RGS7: variants seen among roughly 807,000 people sequenced by gnomAD.
RGS7 encodes regulator of G-protein signaling 7.
RGS7 carries 27 observed loss-of-function variants against 81.1 expected under a neutral mutation model. The observed-to-expected ratio is 0.33, with a 90% confidence interval of 0.25 to 0.46. The LOEUF (loss-of-function observed/expected upper bound fraction) is 0.46, where lower values mean the gene tolerates loss of function less well. RGS7 is among the 20% of genes least tolerant of loss of function. The probability of loss-of-function intolerance (pLI) is 1.00; values close to 1 mark genes in which losing one functional copy is unlikely to be tolerated. For missense variants in RGS7, 396 were observed against 607.4 expected (o/e 0.65, Z 3.66); for synonymous variants, 208 against 207.7 (o/e 1.00, Z -0.01).
intron 2 of RGS7, among the ~76,000 whole-genome samples, chr1:241,200,112 C>T (rs991448054): frequency 3.9e-5 from 6 of 152,068 alleles, no homozygotes; most frequent in Non-Finnish European, 8.8e-5. Flanking sequence ...TCAGTTAAGG[C>T]GACCACTGAA....
intron 3 of RGS7, among the ~76,000 whole-genome samples, chr1:241,044,580 C>CAATT (rs1558640416): frequency 1.3e-5 from 2 of 151,930 alleles, no homozygotes; most frequent in African/African-American, 4.8e-5. Context: ...TGCCACCATG[C>CAATT]TCAGCTAATT....
intron 3 of RGS7, among the ~76,000 whole-genome samples, chr1:241,045,832 A>G (rs1047262581): frequency 5.3e-5 from 8 of 152,158 alleles, no homozygotes; most frequent in African/African-American, 9.6e-5. Context: ...TATTCTCTTT[A>G]AAGTATTTCA....
chr1:241,057,722 T>A (rs1431843923), intron 3 of RGS7, among the ~76,000 whole-genome samples: 1 of 152,026 alleles, frequency 6.6e-6, no homozygotes, highest in Non-Finnish European at 1.5e-5. Context: ...GAGACCAGCC[T>A]AATATGGTGA....
At chr1:241,023,747 GATT>G (rs1358986682) in intron 3 of RGS7, among the ~76,000 whole-genome samples, 1 of 152,116 alleles carries the variant, frequency 6.6e-6, no homozygotes, top group Non-Finnish European at 1.5e-5. Context: ...TTGATTGATT[GATT>G]GATTGATTGA....
chr1:240,890,750 A>G (rs1435943622), intron 6 of RGS7, among the ~76,000 whole-genome samples: 2 of 152,180 alleles, frequency 1.3e-5, no homozygotes, highest in Admixed American at 6.5e-5. Context: ...TGAGGCACAG[A>G]GAGTTTACAG....
chr1:240,776,942 T>C (rs1038286695), intron 18 of RGS7, among the ~76,000 whole-genome samples: 5 of 152,224 alleles, frequency 3.3e-5, no homozygotes, highest in Non-Finnish European at 2.9e-5. Context: ...CACATACTTA[T>C]GTTTTAGAAA....
intron 3 of RGS7, among the ~76,000 whole-genome samples, chr1:241,064,230 T>A (rs926171738): frequency 6.6e-6 from 1 of 150,964 alleles, no homozygotes; most frequent in African/African-American, 2.4e-5. Flanking sequence ...GGTGCTGTGC[T>A]TTTTGTAGGT....
At chr1:241,312,750 T>A (rs1381906464) in intron 2 of RGS7, among the ~76,000 whole-genome samples, 1 of 152,120 alleles carries the variant, frequency 6.6e-6, no homozygotes, top group East Asian at 1.9e-4. Context: ...CTCTAAGTGT[T>A]AAGTAAAAGG....
intron 2 of RGS7, among the ~76,000 whole-genome samples, chr1:241,125,534 C>T (rs1407216894): frequency 6.6e-6 from 1 of 152,164 alleles, no homozygotes. Flanking sequence ...ATCCCTCCCA[C>T]TCAGCTTTCA....
intron 2 of RGS7, among the ~76,000 whole-genome samples, chr1:241,247,669 C>A (rs1273417703): frequency 2.6e-5 from 4 of 151,578 alleles, no homozygotes; most frequent in Non-Finnish European, 4.4e-5. Flanking sequence ...ACTAGAATAA[C>A]CTGGGGACTA....
chr1:240,790,091 G>A (rs76867241), intron 18 of RGS7, among the ~76,000 whole-genome samples: 6,413 of 152,054 alleles, frequency 0.042, 144 homozygotes, highest in East Asian at 0.11. Flanking sequence ...GGTGAATTTC[G>A]CCCAATAGCG....
At chr1:241,220,481 C>A (rs1915884) in intron 2 of RGS7, among the ~76,000 whole-genome samples, 45,022 of 152,028 alleles carry the variant, frequency 0.3, 7,734 homozygotes, top group East Asian at 0.59. Context: ...AAACTAAAGT[C>A]TATCACTGAG....
chr1:240,892,514 T>A (rs2148150965), intron 6 of RGS7, among the ~76,000 whole-genome samples: 1 of 152,292 alleles, frequency 6.6e-6, no homozygotes, highest in South Asian at 2.1e-4. Flanking sequence ...CAGCCCTACA[T>A]TTTTCTTTCT....
rs1360608409 is a variant in RGS7, at chr1:241,118,262, C to T, written c.79-19500G>A. ...GAAGTTTCCATCCTTAAACAAGTTT[C>T]CACCCAATTAAACAATTAAACAAAC... On this transcript the variant is annotated intron_variant, in intron 2 of 18. Transcript: ENST00000440928. Among the ~76,000 whole-genome samples, 3 of 152,296 alleles carry T rather than the reference C, an allele frequency of 2.0e-5. No homozygotes were observed. In the East Asian group the frequency reaches 5.8e-4, roughly 29 times the overall value.
chr1:241,230,490 T>G (rs1177137604), intron 2 of RGS7, among the ~76,000 whole-genome samples: 1 of 152,264 alleles, frequency 6.6e-6, no homozygotes, highest in African/African-American at 2.4e-5. Flanking sequence ...CTGGGATTAC[T>G]ATCATGAGCC....
chr1:240,815,216 A>G (rs1448636949), intron 11 of RGS7, among the ~76,000 whole-genome samples: 2 of 151,940 alleles, frequency 1.3e-5, no homozygotes, highest in Non-Finnish European at 2.9e-5. Flanking sequence ...TGGTGCAGGT[A>G]CTATAGTCCC....
In RGS7 at chr1:240,775,853, C is replaced by A; in HGVS notation, c.*367G>T. On this transcript the variant is annotated 3_prime_UTR_variant, in exon 19 of 19. Transcript: ENST00000440928. Reference sequence around the variant, plus strand: ...AATTTTCAGTGAACTGTGTGTCTAACTGAAGCTTTGAGAGAGAGAGAGAGA... The same window carrying A: ...AATTTTCAGTGAACTGTGTGTCTAAATGAAGCTTTGAGAGAGAGAGAGAGA... The A allele has an allele frequency of 3.1e-6, 1 of 318,026 alleles. No individual in the cohort carries two copies. The highest frequency in any genetic ancestry group is 6.0e-6 in the Non-Finnish European group (1 of 166,750). 19.7% of individuals were successfully genotyped at this position (318,026 alleles called of 1,614,324 possible).
At chr1:240,862,922 A>AAT (rs1303282981) in intron 9 of RGS7, among the ~76,000 whole-genome samples, 3 of 142,142 alleles carry the variant, frequency 2.1e-5, no homozygotes, top group Admixed American at 1.3e-4. Flanking sequence ...CTGTAAACTA[A>AAT]ATATGTGTGT....
intron 2 of RGS7, among the ~76,000 whole-genome samples, chr1:241,270,025 G>A (rs2077789718): frequency 6.6e-6 from 1 of 152,186 alleles, no homozygotes; most frequent in Non-Finnish European, 1.5e-5. Context: ...GCAGATATAT[G>A]TTTTTAAGAA....
Sources: gnomAD v4.1 joint callset for allele counts (sites outside exome capture counted in the v4.1 genomes callset) on GRCh38, gnomAD v4.1.1 for gene constraint, MANE v1.5 for transcripts, NCBI Gene and HGNC (gene_info 2026-07-23, HGNC 2026-07-21) for gene names.